The following TRIM3 variants were observed in gnomAD, a reference collection of about 807,000 sequenced individuals.
The protein encoded by TRIM3 is tripartite motif containing 3.
A neutral mutation model predicts 66.6 loss-of-function variants in TRIM3; 13 were observed. That is an observed-to-expected ratio of 0.20 (90% CI 0.13 to 0.31). The LOEUF (loss-of-function observed/expected upper bound fraction) is 0.31. TRIM3 is among the 10% of genes least tolerant of loss of function. TRIM3 has a pLI of 1.00. For synonymous variants in TRIM3, 406 were observed against 411.7 expected, an observed-to-expected ratio of 0.99 and a Z score of 0.17; for missense variants, 711 against 1,020.4, an observed-to-expected ratio of 0.70 and a Z score of 4.13.
rs61876783 is a variant in TRIM3 at position 6,456,147 on chromosome 11, G to A, written c.1458C>T (p.Phe486=). The change falls in exon 7 of 12, where the codon TTC becomes TTT. Residue 486 remains phenylalanine (F), a synonymous_variant. Coordinates refer to ENST00000345851, the MANE Select transcript of TRIM3 (RefSeq NM_033278.4). The surrounding 1 kb of genome is among the most constrained non-coding windows in gnomAD (Gnocchi z 6.4). ...CTGCGGACACACCTTGTAAATTGGT[G>A]AATTCACCTTTCTCCCTTCCACGAC... ...VGSRGREKGE[F]TNLQGVSAAS... 1.5e-5 allele frequency: 25 copies of A among 1,614,020 alleles called. No homozygotes were observed. The highest frequency in any genetic ancestry group is 3.3e-5 in the Admixed American group (2 of 59,996).
At position 6,449,341 on chromosome 11, in the gene TRIM3, T is replaced by C; in HGVS notation, c.2047A>G (p.Ile683Val). The C allele has an allele frequency of 6.2e-7, 1 of 1,614,120 alleles. No homozygotes were observed. The highest frequency in any genetic ancestry group is 8.5e-7 in the Non-Finnish European group (1 of 1,179,984). ...TGVAVDSNGN[I>V]IVADWGNSRI... ...CTGTTGCCCCAGTCAGCCACAATGA[T>C]GTTTCCATTGGAGTCCACAGCTACT... The change falls in exon 11 of 12, where the codon ATC (isoleucine) becomes GTC (valine). Residue 683 changes from isoleucine (I) to valine (V), a missense_variant. Transcript: ENST00000345851. The surrounding 1 kb of genome is among the most constrained non-coding windows in gnomAD (Gnocchi z 5.3).
chr11:6,448,807 T>C lies in TRIM3; in HGVS notation c.*221A>G. The C allele has an allele frequency of 1.6e-6, 1 of 624,290 alleles. No individual in the cohort carries two copies. The highest frequency in any genetic ancestry group is 2.8e-6 in the Non-Finnish European group (1 of 351,624). The allele number at this position is 624,290 out of a possible 1,614,324, so 38.7% of individuals were successfully genotyped here. A position where few individuals can be genotyped will look rare whatever the true frequency, so the allele number is the denominator to read the frequency against. ...AGGGTAGGGTGAAGCTCTGCACACA[T>C]CCTTGGGACCACAGTCCAGGCTCAC... On this transcript the variant is annotated 3_prime_UTR_variant, in exon 12 of 12. Transcript: ENST00000345851.
At chr11:6,455,308 G>T (rs916154898) in intron 7 of TRIM3, among the ~76,000 whole-genome samples, 9 of 152,150 alleles carry the variant, frequency 5.9e-5, no homozygotes, top group African/African-American at 1.7e-4. Flanking sequence ...TGACTTGTTA[G>T]TATGTGACAG....
In TRIM3 at chr11:6,457,093, G is replaced by T; in HGVS notation, c.697-64C>A. The stretch of plus-strand genomic sequence containing the variant: ...CACAGGGGGAGTCTCTGTGATTACT[G>T]AAGTTGTAGCACTGTGGCATAAAAT... On this transcript the variant is annotated intron_variant, in intron 5 of 11. Transcript: ENST00000345851. This position sits in a 1 kb window ranked among gnomAD's most constrained non-coding sequence, Gnocchi z 4.5. 1 of 1,545,448 alleles carries T rather than the reference G, an allele frequency of 6.5e-7. No individual in the cohort carries two copies. The highest frequency in any genetic ancestry group is 2.3e-5 in the East Asian group (1 of 44,190).
intron 2 of TRIM3, among the ~76,000 whole-genome samples, chr11:6,461,845 T>G (rs962760294): frequency 6.6e-6 from 1 of 152,130 alleles, no homozygotes; most frequent in Non-Finnish European, 1.5e-5. Context: ...TACATTACAT[T>G]ATTTCCCTGT....
In TRIM3 at chr11:6,450,685, T is replaced by G. The variant is rs1849683626; in HGVS notation, c.1871-64A>C. ...ATGCTGAGTGGGATGGGGAAGAGTATCTGGGAAGATAAAAGCTAGGGTGTT... is the reference window on the plus strand; with the variant it reads ...ATGCTGAGTGGGATGGGGAAGAGTAGCTGGGAAGATAAAAGCTAGGGTGTT... On this transcript the variant is annotated intron_variant, in intron 9 of 11. Transcript: ENST00000345851. This position sits in a 1 kb window ranked among gnomAD's most constrained non-coding sequence, Gnocchi z 4.8. 1.3e-6 allele frequency: 2 copies of G among 1,530,944 alleles called. No homozygotes were observed. The highest frequency in any genetic ancestry group is 1.7e-5 in the Admixed American group (1 of 59,794). The allele number at this position is 1,530,944 out of a possible 1,614,324, so 94.8% of individuals were successfully genotyped here. A position where few individuals can be genotyped will look rare whatever the true frequency, so the allele number is the denominator to read the frequency against.
At chr11:6,455,669 A>C (rs537402751) in intron 7 of TRIM3, among the ~76,000 whole-genome samples, 1 of 152,294 alleles carries the variant, frequency 6.6e-6, no homozygotes, top group East Asian at 1.9e-4. Flanking sequence ...GACTACATAC[A>C]TTCAGGAGCC....
Position 6,451,330 on chromosome 11 carries a change from T to C in TRIM3, c.1642A>G (p.Ile548Val). 4 of 1,614,186 alleles carry C rather than the reference T, an allele frequency of 2.5e-6. No individual in the cohort carries two copies. Among genetic ancestry groups the C allele is most frequent in the Non-Finnish European group, 3.4e-6 (4 of 1,180,042 alleles). ...CAACGGTTGTCATAGTCTGCCACAA[T>C]TATGTCTCCATTGGTGTCCACTGCC... ...GVAVDTNGDI[I>V]VADYDNRWVS... Residue 548 changes from isoleucine to valine, a missense_variant, in exon 8 of 12, where the codon ATT (isoleucine) becomes GTT (valine). By Grantham distance (29) the Ile-to-Val change is conservative (BLOSUM62 3). Coordinates refer to ENST00000345851, the MANE Select transcript of TRIM3 (RefSeq NM_033278.4).
chr11:6,459,772 G>C (rs1331677248), intron 2 of TRIM3, among the ~76,000 whole-genome samples: 2 of 152,176 alleles, frequency 1.3e-5, no homozygotes, highest in Non-Finnish European at 2.9e-5. Context: ...ATGAGTCTTC[G>C]CTGACTTCCA....
intron 2 of TRIM3, among the ~76,000 whole-genome samples, chr11:6,463,277 T>TA (rs1443637483): frequency 6.6e-6 from 1 of 151,922 alleles, no homozygotes; most frequent in Non-Finnish European, 1.5e-5. Flanking sequence ...AAAATTAAAA[T>TA]AAAAAAATAA....
Position 6,451,305 on chromosome 11 carries a change from C to G in TRIM3, c.1667G>C (p.Trp556Ser). 6.2e-7 allele frequency: 1 copy of G among 1,614,154 alleles called. No homozygotes were observed. Among genetic ancestry groups the G allele is most frequent in the Non-Finnish European group, 8.5e-7 (1 of 1,180,030 alleles). Residue 556 changes from tryptophan (W) to serine (S), a missense_variant, in exon 8 of 12, where the codon TGG becomes TCG. Physicochemically the swap from Trp to Ser is radical, Grantham distance 177. Transcript: ENST00000345851. Reference protein sequence around the residue: ...DIIVADYDNRWVSIFSPEGKF... With the variant: ...DIIVADYDNRSVSIFSPEGKF... ...GCCCTCAGGGGAGAAGATGCTGACC[C>G]AACGGTTGTCATAGTCTGCCACAAT...
Position 6,457,394 on chromosome 11 carries a change from G to C in TRIM3, c.598C>G (p.Gln200Glu), listed in dbSNP as rs952061783. Residue 200 changes from glutamine (Q) to glutamate (E), a missense_variant, in exon 5 of 12, where the codon CAG (glutamine) becomes GAG (glutamate). Gln to Glu is a conservative substitution (Grantham distance 29). This residue lies in a region of TRIM3 where 399 missense variants were observed against 458.1 expected (regional missense o/e 0.87). Coordinates refer to ENST00000345851, the MANE Select transcript of TRIM3 (RefSeq NM_033278.4). The surrounding 1 kb of genome is among the most constrained non-coding windows in gnomAD (Gnocchi z 4.5). ...LQERKAEALA[Q>E]ISAAFEDLEQ... ...AGGTCCTCGAACGCTGCACTGATCT[G>C]GGCCAGGGCCTCTGCCTTGCGCTCC... 1 of 1,613,776 alleles carries C rather than the reference G, an allele frequency of 6.2e-7. No homozygotes were observed. The highest frequency in any genetic ancestry group is 8.5e-7 in the Non-Finnish European group (1 of 1,179,844).
chr11:6,448,853 C>T lies in TRIM3; in HGVS notation c.*175G>A, dbSNP rs571562351. The stretch of plus-strand genomic sequence containing the variant: ...CTCACCCAGTCACCAAAGCAAGAAC[C>T]GAATAAATAAAGTGCAACCGTGGGG... On this transcript the variant is annotated 3_prime_UTR_variant, in exon 12 of 12. Transcript: ENST00000345851. 1.1e-5 allele frequency: 8 copies of T among 744,532 alleles called. No homozygotes were observed. Among genetic ancestry groups the T allele is most frequent in the Admixed American group, 9.9e-5 (4 of 40,236 alleles). 46.1% of individuals were successfully genotyped at this position (744,532 alleles called of 1,614,324 possible). A position where few individuals can be genotyped will look rare whatever the true frequency, so the allele number is the denominator to read the frequency against.
Position 6,449,469 on chromosome 11 carries a change from A to T in TRIM3, c.1942-23T>A. ...CACCTGGCGGGGGAAGGGGCTAGGG[A>T]CTGGGGACCTGGCCTCAGGCAGAGG... On this transcript the variant is annotated intron_variant, in intron 10 of 11. Coordinates refer to ENST00000345851, the MANE Select transcript of TRIM3 (RefSeq NM_033278.4). The surrounding 1 kb of genome is among the most constrained non-coding windows in gnomAD (Gnocchi z 5.3). 6 of 1,604,920 alleles carry T rather than the reference A, an allele frequency of 3.7e-6. No homozygotes were observed. The highest frequency in any genetic ancestry group is 5.1e-6 in the Non-Finnish European group (6 of 1,174,030).
rs1229085590 is a variant in TRIM3 at position 6,456,228 on chromosome 11, G to A, written c.1430-53C>T. On this transcript the variant is annotated intron_variant, in intron 6 of 11. Transcript: ENST00000345851. The surrounding 1 kb of genome is among the most constrained non-coding windows in gnomAD (Gnocchi z 6.4). ...AAATAATTCATTCAGAGGTCATCTT[G>A]AACCTCCCTTCCCTCCCCACCCACT... 1.9e-6 allele frequency: 3 copies of A among 1,605,464 alleles called. No homozygotes were observed. The highest frequency in any genetic ancestry group is 2.6e-6 in the Non-Finnish European group (3 of 1,173,934).
rs190650732 is a variant in TRIM3, at chr11:6,462,660, C to T, written c.131+2905G>A. Among the ~76,000 whole-genome samples, 1,030 of 152,266 alleles carry T rather than the reference C, an allele frequency of 6.8e-3. 12 individuals carry two copies. The highest frequency in any genetic ancestry group is 0.024 in the African/African-American group (994 of 41,566). On this transcript the variant is annotated intron_variant, in intron 2 of 11. Transcript: ENST00000345851. Reference sequence around the variant, plus strand: ...CTCCTAGGCTCAAGTGATCCTCCCACCTTGGCCTCCCAAAGTGCTGGGATT... The same window carrying T: ...CTCCTAGGCTCAAGTGATCCTCCCATCTTGGCCTCCCAAAGTGCTGGGATT...
Position 6,454,053 on chromosome 11 carries a change from T to C in TRIM3, c.1533+2019A>G, listed in dbSNP as rs545100486. Among the ~76,000 whole-genome samples the C allele has an allele frequency of 7.2e-5, 11 of 152,254 alleles. No individual in the cohort carries two copies. The South Asian group carries it at 1.5e-3, about 20-fold the overall frequency. On this transcript the variant is annotated intron_variant, in intron 7 of 11. Transcript: ENST00000345851. ...AGGTGTTTGGAAGAGAGTGGAGCTATACCAGGTGTTCCCTCTCAATTCCCC... is the reference window on the plus strand; with the variant it reads ...AGGTGTTTGGAAGAGAGTGGAGCTACACCAGGTGTTCCCTCTCAATTCCCC...
chr11:6,457,237 T>A lies in TRIM3; in HGVS notation c.696+59A>T. 6.3e-7 allele frequency: 1 copy of A among 1,587,232 alleles called. No individual in the cohort carries two copies. The highest frequency in any genetic ancestry group is 2.2e-5 in the East Asian group (1 of 44,570). ...GCTGGTGTGGAAGACAGAGGAACAA[T>A]GGAGGCAATAACACCATCACAATGG... is the stretch of plus-strand genomic sequence containing the variant. On this transcript the variant is annotated intron_variant, in intron 5 of 11. Coordinates refer to ENST00000345851, the MANE Select transcript of TRIM3 (RefSeq NM_033278.4). This position sits in a 1 kb window ranked among gnomAD's most constrained non-coding sequence, Gnocchi z 4.5.
chr11:6,458,934 G>A lies in TRIM3; in HGVS notation c.132-638C>T. Among the ~76,000 whole-genome samples, 1 of 152,176 alleles carries A rather than the reference G, an allele frequency of 6.6e-6. No individual in the cohort carries two copies. Among genetic ancestry groups the A allele is most frequent in the East Asian group, 1.9e-4 (1 of 5,206 alleles). On this transcript the variant is annotated intron_variant, in intron 2 of 11. Transcript: ENST00000345851. The surrounding 1 kb of genome is among the most constrained non-coding windows in gnomAD (Gnocchi z 6.2). ...AGAGTGTTAGAGGATTACATGTAAA[G>A]TACTTACTTATATTTGAAGAGGATT...
Sources: allele counts gnomAD v4.1 joint callset (sites outside exome capture counted in the v4.1 genomes callset), GRCh38; gene constraint gnomAD v4.1.1; regional missense constraint gnomAD v4.1.1; non-coding constraint Gnocchi (gnomAD v3.1); transcripts MANE v1.5; gene names NCBI Gene and HGNC (gene_info 2026-07-23, HGNC 2026-07-21).